The following SF3B2 variants were observed in gnomAD, a reference collection of about 807,000 sequenced individuals.
SF3B2 encodes splicing factor 3b subunit 2, also known as SAP 145.
SF3B2 carries 22 observed loss-of-function variants against 116.3 expected under a neutral mutation model. The ratio of observed to expected loss-of-function variants is 0.19; its 90% confidence interval spans 0.14 to 0.27. The LOEUF is 0.27. Ranked by LOEUF, SF3B2 falls within the 10% of genes least tolerant of loss-of-function variation. SF3B2 has a pLI of 1.00. For synonymous variants in SF3B2, 406 were observed against 421.6 expected (o/e 0.96, Z 0.45); for missense variants, 767 against 1,151.4 (o/e 0.67, Z 4.83).
At chr11:66,060,136 T>C (rs1409994593) in intron 13 of SF3B2, 127 bp downstream of exon 13, 1 of 853,204 alleles carries the variant, frequency 1.2e-6, no homozygotes, top group Non-Finnish European at 1.8e-6. Context: ...ATTATCCTTT[T>C]GTTTTCCTCC....
At chr11:66,067,245 TG>T in intron 19 of SF3B2, 1 of 362,810 alleles carries the variant, frequency 2.8e-6, no homozygotes, top group Non-Finnish European at 5.4e-6. Context: ...GAGGAGGGCT[TG>T]GGTAAGGGAC....
At chr11:66,058,501 T>C (rs1857042854) in intron 9 of SF3B2, 96 bp downstream of exon 9, 1 of 955,854 alleles carries the variant, frequency 1.0e-6, no homozygotes, top group South Asian at 1.5e-5. Context: ...TAATAGCTTC[T>C]ATTTTGTGCC....
intron 16 of SF3B2, among the ~76,000 whole-genome samples, chr11:66,062,209 A>G (rs1023518899): frequency 6.6e-6 from 1 of 152,262 alleles, no homozygotes; most frequent in Non-Finnish European, 1.5e-5. Context: ...TCATCATAAA[A>G]TATTCAGTCA....
At chr11:66,065,022 AGTGTAGTG>A (rs2135055954) in intron 19 of SF3B2, 1 of 151,168 alleles carries the variant, frequency 6.6e-6, no homozygotes, top group African/African-American at 2.4e-5. Flanking sequence ...CCCAGGCTGG[AGTGTAGTG>A]GTGTGATCTT....
Position 66,059,506 on chromosome 11 carries a change from C to T in SF3B2, c.1321-9C>T. ...GTCCTGCTTAAAAGGGCTGATTGTT[C>T]TGTTCTAGGAAAAGAAGCCAGAAGC... On this transcript the variant is annotated splice_polypyrimidine_tract_variant and intron_variant, in intron 11 of 21. Coordinates refer to ENST00000322535, the MANE Select transcript of SF3B2 (RefSeq NM_006842.3). This position sits in a 1 kb window ranked among gnomAD's most constrained non-coding sequence, Gnocchi z 5.0. 3 of 1,614,016 alleles carry T rather than the reference C, an allele frequency of 1.9e-6. No individual in the cohort carries two copies. The highest frequency in any genetic ancestry group is 1.7e-5 in the Admixed American group (1 of 60,012).
chr11:66,068,420 G>C (rs1304293360), intron 21 of SF3B2, 87 bp downstream of exon 21: 6 of 1,341,630 alleles, frequency 4.5e-6, no homozygotes, highest in Non-Finnish European at 6.1e-6. Context: ...CTAGTGGTGA[G>C]AGTGAGGGTG....
intron 9 of SF3B2, 104 bp from the exon 10 acceptor site, chr11:66,058,726 C>CT: frequency 6.9e-6 from 7 of 1,014,062 alleles, no homozygotes; most frequent in African/African-American, 1.6e-5. Context: ...TGGGAAAAGC[C>CT]TGACTGTTGA....
Position 66,069,137 on chromosome 11 carries a change from C to G in SF3B2, c.*392C>G. On this transcript the variant is annotated 3_prime_UTR_variant, in exon 22 of 22. Transcript: ENST00000322535. Reference sequence around the variant, plus strand: ...CTCTAGGTCTGGTTTGACCTTACTACTTTGTCCTTGGGGAGTAAAAATAGC... The same window carrying G: ...CTCTAGGTCTGGTTTGACCTTACTAGTTTGTCCTTGGGGAGTAAAAATAGC... 2.8e-6 allele frequency: 1 copy of G among 357,916 alleles called. No individual in the cohort carries two copies. Among genetic ancestry groups the G allele is most frequent in the Middle Eastern group, 9.9e-4 (1 of 1,010 alleles). 22.2% of individuals were successfully genotyped at this position (357,916 alleles called of 1,614,324 possible).
At chr11:66,062,956 C>T in intron 16 of SF3B2, 53 bp from the exon 17 acceptor site, 1 of 1,278,336 alleles carries the variant, frequency 7.8e-7, no homozygotes, top group Non-Finnish European at 1.1e-6. Flanking sequence ...TCTAGGGCTT[C>T]AGAATTTCTT....
chr11:66,053,225 G>A (rs1856921928), intron 3 of SF3B2, 121 bp downstream of exon 3: 1 of 928,560 alleles, frequency 1.1e-6, no homozygotes, highest in Non-Finnish European at 1.8e-6. Context: ...TTACTCGCCT[G>A]ACCTGAGTGG....
rs928828940 is a variant in SF3B2, at chr11:66,059,357, G to A, written c.1320+19G>A. On this transcript the variant is annotated intron_variant, in intron 11 of 21. Coordinates refer to ENST00000322535, the MANE Select transcript of SF3B2 (RefSeq NM_006842.3). This position sits in a 1 kb window ranked among gnomAD's most constrained non-coding sequence, Gnocchi z 5.0. ...CGAGCAGGTCAGGCCCAGCCCTCCT[G>A]GTGGGAAGCAGGGACTCTGGGCACA... 4 of 1,613,510 alleles carry A rather than the reference G, an allele frequency of 2.5e-6. No individual in the cohort carries two copies. Among genetic ancestry groups the A allele is most frequent in the Non-Finnish European group, 3.4e-6 (4 of 1,179,794 alleles).
chr11:66,056,762 T>A (rs1857002881), intron 5 of SF3B2, 76 bp from the exon 6 acceptor site: 2 of 1,116,472 alleles, frequency 1.8e-6, no homozygotes, highest in Admixed American at 3.4e-5. Flanking sequence ...ATTACCCGGC[T>A]GAAAGAATGC....
In SF3B2 at chr11:66,067,941, C is replaced by T. The variant is rs1163168774; in HGVS notation, c.2331-5C>T. The T allele has an allele frequency of 7.4e-6, 12 of 1,612,734 alleles. No individual in the cohort carries two copies. The highest frequency in any genetic ancestry group is 3.3e-5 in the Admixed American group (2 of 59,720). On this transcript the variant is annotated splice_polypyrimidine_tract_variant and splice_region_variant and intron_variant, in intron 19 of 21. Transcript: ENST00000322535. Reference sequence around the variant, plus strand: ...TTTTGGGCCTGATCCCATTGTCCTTCGCAGAAGTGAGACACCTCAGCTCTT... The same window carrying T: ...TTTTGGGCCTGATCCCATTGTCCTTTGCAGAAGTGAGACACCTCAGCTCTT...
At chr11:66,053,178 G>A in intron 3 of SF3B2, 74 bp downstream of exon 3, 1 of 1,385,720 alleles carries the variant, frequency 7.2e-7, no homozygotes, top group Non-Finnish European at 1.0e-6. Context: ...ATGATTGGGT[G>A]TTCACGTGCA....
At position 66,068,352 on chromosome 11, in the gene SF3B2, G is replaced by C. The variant is rs771021193; in HGVS notation, c.2616+19G>C. The C allele has an allele frequency of 9.5e-6, 15 of 1,575,500 alleles. No individual in the cohort carries two copies. Among genetic ancestry groups the C allele is most frequent in the African/African-American group, 1.3e-5 (1 of 74,494 alleles). ...ACAGAAGGTAGGCGCTTCCAGGGGC[G>C]CTGGGCTGGGTGAGAGCCAGGGACC... On this transcript the variant is annotated intron_variant, in intron 21 of 21. Coordinates refer to ENST00000322535, the MANE Select transcript of SF3B2 (RefSeq NM_006842.3).
intron 16 of SF3B2, among the ~76,000 whole-genome samples, chr11:66,062,367 G>A (rs1252904058): frequency 6.6e-6 from 1 of 151,744 alleles, no homozygotes; most frequent in Non-Finnish European, 1.5e-5. Flanking sequence ...CAGATGTGGT[G>A]TCTCAACACC....
chr11:66,060,012 G>A lies in SF3B2; in HGVS notation c.1629+3G>A. 1.2e-6 allele frequency: 2 copies of A among 1,613,156 alleles called. No individual in the cohort carries two copies. Among genetic ancestry groups the A allele is most frequent in the Middle Eastern group, 1.7e-4 (1 of 6,046 alleles). On this transcript the variant is annotated splice_donor_region_variant and intron_variant, in intron 13 of 21. Transcript: ENST00000322535. ...TGCGAGAGGCCCTGCAGGAGAAGGT[G>A]AGGGCCTGGCAGGGCTCAGACCTGC...
At chr11:66,057,025 A>C in intron 6 of SF3B2, 70 bp downstream of exon 6, 1 of 1,171,992 alleles carries the variant, frequency 8.5e-7, no homozygotes, top group Non-Finnish European at 1.3e-6. Context: ...CTTTTAAGGT[A>C]TCTATCACAT....
Position 66,058,295 on chromosome 11 carries a change from A to G in SF3B2, c.875-19A>G, listed in dbSNP as rs374968563. 221 of 1,610,146 alleles carry G rather than the reference A, an allele frequency of 1.4e-4. No individual in the cohort carries two copies. The highest frequency in any genetic ancestry group is 1.5e-4 in the Non-Finnish European group (182 of 1,176,816). On this transcript the variant is annotated intron_variant, in intron 8 of 21. Coordinates refer to ENST00000322535, the MANE Select transcript of SF3B2 (RefSeq NM_006842.3). ...GGCAGTGGCACCGTGAAGACTCATC[A>G]CCACCTTCTTCCTTACAGAGGAAGA...
Sources: gnomAD v4.1 joint callset for allele counts (sites outside exome capture counted in the v4.1 genomes callset) on GRCh38, gnomAD v4.1.1 for gene constraint, Gnocchi (gnomAD v3.1) non-coding constraint, MANE v1.5 for transcripts, NCBI Gene and HGNC (gene_info 2026-07-23, HGNC 2026-07-21) for gene names.